The following TADA2A variants were observed in gnomAD, a reference collection of about 807,000 sequenced individuals.
TADA2A encodes transcriptional adaptor 2A.
A neutral mutation model predicts 67.4 loss-of-function variants in TADA2A; 38 were observed. The observed-to-expected ratio is 0.56, with a 90% CI of 0.44 to 0.74. The LOEUF is 0.74. TADA2A is among the 30% of genes least tolerant of loss of function. TADA2A has a pLI of 0.00. For synonymous variants in TADA2A, 192 were observed against 181.6 expected (o/e 1.06, Z -0.46); for missense variants, 454 against 547.0 (o/e 0.83, Z 1.70).
chr17:37,433,935 T>C (rs995996089), intron 4 of TADA2A, among the ~76,000 whole-genome samples: 1 of 150,866 alleles, frequency 6.6e-6, no homozygotes, highest in South Asian at 2.1e-4. Flanking sequence ...GCCTGGGCTA[T>C]GGAGCAAGAC....
rs1477000755 is a variant in TADA2A at position 37,444,725 on chromosome 17, G to T, written c.561G>T (p.Leu187Phe). ...TTGACAATTATGCAGAATGGGACTT[G>T]AGAGACATTGATTTTGTTGAAGATG... is the stretch of plus-strand genomic sequence containing the variant. Reference protein sequence around the residue: ...EEFDNYAEWDLRDIDFVEDDS... With the variant: ...EEFDNYAEWDFRDIDFVEDDS... The change falls in exon 8 of 16, where the codon TTG (leucine) becomes TTT (phenylalanine). Residue 187 changes from leucine (L) to phenylalanine (F), a missense_variant. Leu to Phe is a conservative substitution (Grantham distance 22). This residue lies in a region of TADA2A where 403 missense variants were observed against 455.5 expected (regional missense o/e 0.88). Transcript: ENST00000615182. 1 of 1,613,964 alleles carries T rather than the reference G, an allele frequency of 6.2e-7. No homozygotes were observed. Among genetic ancestry groups the T allele is most frequent in the African/African-American group, 1.3e-5 (1 of 74,904 alleles).
chr17:37,407,229 C>T (rs2051596592), intron 1 of TADA2A: 1 of 152,222 alleles, frequency 6.6e-6, no homozygotes, highest in African/African-American at 2.4e-5. Context: ...TCGCCATTTC[C>T]CGCTCAGCCC....
intron 4 of TADA2A, among the ~76,000 whole-genome samples, chr17:37,428,463 C>T (rs1444756169): frequency 6.6e-6 from 1 of 152,222 alleles, no homozygotes; most frequent in East Asian, 1.9e-4. Flanking sequence ...CCCCTTTCTC[C>T]ATCCTCAAAG....
intron 8 of TADA2A, among the ~76,000 whole-genome samples, chr17:37,451,347 C>T (rs1369394169): frequency 3.7e-5 from 5 of 134,540 alleles, no homozygotes; most frequent in African/African-American, 1.4e-4. Flanking sequence ...TTTTTTGAGA[C>T]GCCCTCTGTA....
At chr17:37,420,459 C>T (rs1460016835) in intron 2 of TADA2A, among the ~76,000 whole-genome samples, 1 of 140,780 alleles carries the variant, frequency 7.1e-6, no homozygotes, top group Non-Finnish European at 1.6e-5. Flanking sequence ...ATGGCACGAT[C>T]TCAGCTTACT....
Position 37,462,102 on chromosome 17 carries a change from C to T in TADA2A, c.693C>T (p.Ile231=). ...GAATTATAAGAGACCATGGATTAAT[C>T]AACCTTAGAAAGTTTCAATGTAAGT... The part of the protein sequence containing the change: ...RKKIIRDHGL[I]NLRKFQLMER... The change falls in exon 10 of 16, where the codon ATC becomes ATT. Residue 231 remains isoleucine, a synonymous_variant. Transcript: ENST00000615182. The T allele has an allele frequency of 6.4e-7, 1 of 1,572,286 alleles. No homozygotes were observed. The highest frequency in any genetic ancestry group is 8.7e-7 in the Non-Finnish European group (1 of 1,151,058).
chr17:37,444,718 G>C lies in TADA2A; in HGVS notation c.554G>C (p.Trp185Ser). The change falls in exon 8 of 16, where the codon TGG becomes TCG. Residue 185 changes from tryptophan (W) to serine (S), a missense_variant. Coordinates refer to ENST00000615182, the MANE Select transcript of TADA2A (RefSeq NM_001166105.3). ...CAGGAATTTGACAATTATGCAGAATGGGACTTGAGAGACATTGATTTTGTT... is the reference window on the plus strand; with the variant it reads ...CAGGAATTTGACAATTATGCAGAATCGGACTTGAGAGACATTGATTTTGTT... ...FIEEFDNYAEWDLRDIDFVED... is the reference protein window; with the variant it reads ...FIEEFDNYAESDLRDIDFVED... The C allele has an allele frequency of 6.2e-7, 1 of 1,614,024 alleles. No homozygotes were observed. The highest frequency in any genetic ancestry group is 1.7e-4 in the Middle Eastern group (1 of 6,060).
intron 2 of TADA2A, 125 bp downstream of exon 2, chr17:37,411,515 C>T (rs538847566): frequency 6.2e-5 from 54 of 870,398 alleles, no homozygotes; most frequent in East Asian, 7.4e-5. Context: ...TTCTGCCTCC[C>T]GGCTTTAAAC....
chr17:37,470,490 A>G lies in TADA2A; in HGVS notation c.986A>G (p.Asp329Gly). The change falls in exon 13 of 16, where the codon GAC (aspartate) becomes GGC (glycine). Residue 329 changes from aspartate (D) to glycine (G), a missense_variant. Asp to Gly is a moderately conservative substitution (Grantham distance 94). This residue lies in a region of TADA2A where 403 missense variants were observed against 455.5 expected (regional missense o/e 0.88). Transcript: ENST00000615182. The stretch of plus-strand genomic sequence containing the variant: ...TCAGAAGTTCTCCAGTATATCCAGG[A>G]CAGTAGTGCTTGCCAGCAGTGGCTC... ...MLSEVLQYIQ[D>G]SSACQQWLRR... 6.2e-7 allele frequency: 1 copy of G among 1,600,974 alleles called. No homozygotes were observed. The highest frequency in any genetic ancestry group is 8.5e-7 in the Non-Finnish European group (1 of 1,175,780).
intron 4 of TADA2A, among the ~76,000 whole-genome samples, chr17:37,436,723 C>A (rs1413484693): frequency 6.6e-6 from 1 of 151,848 alleles, no homozygotes; most frequent in African/African-American, 2.4e-5. Context: ...TATTCAGAGA[C>A]ATCTAGCTTC....
chr17:37,419,603 A>T (rs1232074024), intron 2 of TADA2A, among the ~76,000 whole-genome samples: 3 of 144,396 alleles, frequency 2.1e-5, no homozygotes, highest in African/African-American at 7.5e-5. Context: ...ACATGGGAAA[A>T]CCCCCCCTCT....
At chr17:37,430,261 T>G (rs1205066402) in intron 4 of TADA2A, among the ~76,000 whole-genome samples, 2 of 152,236 alleles carry the variant, frequency 1.3e-5, no homozygotes, top group South Asian at 4.1e-4. Context: ...TTCAGAGTAC[T>G]GTCCTTTACT....
chr17:37,470,454 G>A lies in TADA2A; in HGVS notation c.950G>A (p.Arg317His), dbSNP rs1036733761. 5.0e-6 allele frequency: 8 copies of A among 1,613,226 alleles called. No individual in the cohort carries two copies. Among genetic ancestry groups the A allele is most frequent in the South Asian group, 1.1e-5 (1 of 91,026 alleles). ...KKTREEERLK[R>H]TMLSEVLQYI... is the part of the protein sequence containing the mutation. ...ACACGGGAGGAAGAGCGCCTTAAAC[G>A]CACTATGCTCTCAGAAGTTCTCCAG... Residue 317 changes from arginine (R) to histidine (H), a missense_variant, in exon 13 of 16, where the codon CGC becomes CAC. This residue lies in a region of TADA2A where 403 missense variants were observed against 455.5 expected (regional missense o/e 0.88). Coordinates refer to ENST00000615182, the MANE Select transcript of TADA2A (RefSeq NM_001166105.3).
rs2053556039 is a variant in TADA2A, at chr17:37,461,948, G to A, written c.669-130G>A. 4 of 696,030 alleles carry A rather than the reference G, an allele frequency of 5.7e-6. No homozygotes were observed. In the Admixed American group the frequency reaches 1.3e-4, roughly 22 times the overall value. The allele number at this position is 696,030 out of a possible 1,614,324, so 43.1% of individuals were successfully genotyped here. A position where few individuals can be genotyped will look rare whatever the true frequency, so the allele number is the denominator to read the frequency against. On this transcript the variant is annotated intron_variant, in intron 9 of 15. Coordinates refer to ENST00000615182, the MANE Select transcript of TADA2A (RefSeq NM_001166105.3). ...CACTGACCTGCAGAAATTTGTGGGA[G>A]TGACTTCTTTGGACCTCTGTATTGT...
At chr17:37,423,270 G>A (rs980592140) in intron 2 of TADA2A, among the ~76,000 whole-genome samples, 3 of 152,134 alleles carry the variant, frequency 2.0e-5, no homozygotes, top group African/African-American at 7.2e-5. Flanking sequence ...ACATATGCTT[G>A]TAAATTTCTC....
chr17:37,413,539 TATTTTTTA>T (rs1040081117), intron 2 of TADA2A, among the ~76,000 whole-genome samples: 68 of 143,816 alleles, frequency 4.7e-4, no homozygotes, highest in African/African-American at 1.6e-3. Context: ...ATATGTTTTT[TATTTTTTA>T]ATTTTTTTTA....
rs2052233216 is a variant in TADA2A at position 37,421,575 on chromosome 17, A to G, written c.26-1934A>G. 2.0e-5 allele frequency among the ~76,000 whole-genome samples: 3 copies of G among 147,226 alleles called. No homozygotes were observed. The Admixed American group carries it at 2.1e-4, about 10-fold the overall frequency. On this transcript the variant is annotated intron_variant, in intron 2 of 15. Coordinates refer to ENST00000615182, the MANE Select transcript of TADA2A (RefSeq NM_001166105.3). ...CAAATTCCTGGAACCGTTTGAGCCC[A>G]GGAATTCAAGACCAGCCTAGGCAAC... is the stretch of plus-strand genomic sequence containing the variant.
At chr17:37,425,645 C>G (rs556231139) in intron 3 of TADA2A, among the ~76,000 whole-genome samples, 6 of 151,822 alleles carry the variant, frequency 4.0e-5, no homozygotes, top group Non-Finnish European at 7.4e-5. Flanking sequence ...ATCTTGATTT[C>G]AGAGAGTTTT....
At chr17:37,437,868 A>T in intron 5 of TADA2A, 39 bp downstream of exon 5, 2 of 1,570,194 alleles carry the variant, frequency 1.3e-6, no homozygotes, top group Non-Finnish European at 1.8e-6. Context: ...GCCCTAGTGG[A>T]CTCAGAGAAG....
Sources: gnomAD v4.1 joint callset for allele counts (sites outside exome capture counted in the v4.1 genomes callset) on GRCh38, gnomAD v4.1.1 for gene constraint, gnomAD v4.1.1 regional missense constraint, MANE v1.5 for transcripts, NCBI Gene and HGNC (gene_info 2026-07-23, HGNC 2026-07-21) for gene names.